Variants in KCNH5 observed in about 807,000 individuals in gnomAD.
KCNH5 encodes the protein voltage-gated delayed rectifier potassium channel KCNH5.
Under a neutral mutation model 96.1 loss-of-function variants are expected in KCNH5, and 46 were observed. The observed-to-expected ratio is 0.48, with a 90% CI of 0.38 to 0.61. KCNH5 has a LOEUF of 0.61. Among genes scored for constraint, KCNH5 ranks in the 20% least tolerant of loss-of-function variants. KCNH5 has a pLI of 0.00. For synonymous variants in KCNH5, 439 were observed against 449.8 expected, an observed-to-expected ratio of 0.98 and a Z score of 0.30; for missense variants, 907 against 1,225.8, an observed-to-expected ratio of 0.74 and a Z score of 3.88.
At chr14:62,773,946 C>G (rs1018912337) in intron 10 of KCNH5, among the ~76,000 whole-genome samples, 2 of 152,074 alleles carry the variant, frequency 1.3e-5, no homozygotes, top group East Asian at 3.8e-4. Context: ...ATTTGAGGAC[C>G]TTTGAGGATA....
intron 7 of KCNH5, among the ~76,000 whole-genome samples, chr14:62,908,502 A>T (rs1192711926): frequency 6.6e-6 from 1 of 152,222 alleles, no homozygotes; most frequent in Non-Finnish European, 1.5e-5. Context: ...TGAAACTTAG[A>T]GGAAGAATCC....
chr14:63,005,433 T>C (rs1054715228), intron 3 of KCNH5, among the ~76,000 whole-genome samples: 1 of 152,228 alleles, frequency 6.6e-6, no homozygotes, highest in Non-Finnish European at 1.5e-5. Context: ...CAACAGGCAC[T>C]GAACATGGAA....
At chr14:62,898,706 C>CA (rs1395799134) in intron 7 of KCNH5, among the ~76,000 whole-genome samples, 2 of 152,038 alleles carry the variant, frequency 1.3e-5, no homozygotes, top group Non-Finnish European at 2.9e-5. Flanking sequence ...TAATAGCAGA[C>CA]AAAATGTTCC....
chr14:62,842,536 T>C (rs1334851908), intron 8 of KCNH5, among the ~76,000 whole-genome samples: 1 of 152,260 alleles, frequency 6.6e-6, no homozygotes, highest in South Asian at 2.1e-4. Context: ...ATATATTTGT[T>C]GCATAATGCT....
At chr14:62,898,186 G>C (rs1031458143) in intron 7 of KCNH5, among the ~76,000 whole-genome samples, 1 of 152,102 alleles carries the variant, frequency 6.6e-6, no homozygotes, top group East Asian at 1.9e-4. Flanking sequence ...AGACATTTTA[G>C]AAAGTAAGAG....
intron 7 of KCNH5, among the ~76,000 whole-genome samples, chr14:62,867,154 C>T (rs1443115702): frequency 6.6e-6 from 1 of 152,182 alleles, no homozygotes; most frequent in Non-Finnish European, 1.5e-5. Context: ...CCACCTCTCA[C>T]TGGCAGAGCC....
intron 2 of KCNH5, among the ~76,000 whole-genome samples, chr14:63,011,346 C>T (rs984133864): frequency 7.9e-5 from 12 of 151,764 alleles, no homozygotes; most frequent in Non-Finnish European, 1.2e-4. Context: ...GGCATGGTGG[C>T]GGGTGCATGT....
intron 10 of KCNH5, among the ~76,000 whole-genome samples, chr14:62,743,821 T>A (rs1157644869): frequency 6.6e-6 from 1 of 151,934 alleles, no homozygotes; most frequent in Non-Finnish European, 1.5e-5. Flanking sequence ...ACTGTGGAAG[T>A]CCCAGAAATT....
chr14:62,736,201 C>T (rs1421802919), intron 10 of KCNH5, among the ~76,000 whole-genome samples: 1 of 152,162 alleles, frequency 6.6e-6, no homozygotes, highest in African/African-American at 2.4e-5. Context: ...TCTCCACCCC[C>T]ACCTCTGTAA....
chr14:62,847,011 A>G (rs1003421817), intron 8 of KCNH5, among the ~76,000 whole-genome samples: 97 of 149,490 alleles, frequency 6.5e-4, no homozygotes, highest in Non-Finnish European at 4.6e-4. Flanking sequence ...AGTGTTAGCC[A>G]GGATGGTCTC....
chr14:62,766,923 C>T (rs1885873664), intron 10 of KCNH5, among the ~76,000 whole-genome samples: 1 of 152,034 alleles, frequency 6.6e-6, no homozygotes, highest in Non-Finnish European at 1.5e-5. Context: ...ATGCCTATAT[C>T]AAAACATCTC....
intron 9 of KCNH5, among the ~76,000 whole-genome samples, chr14:62,799,347 C>A (rs561278257): frequency 9.9e-5 from 15 of 151,878 alleles, no homozygotes; most frequent in Middle Eastern, 6.8e-3. Context: ...GAGGCCGAGG[C>A]GGGTGGATCA....
At chr14:63,001,977 G>A (rs1263670415) in intron 3 of KCNH5, among the ~76,000 whole-genome samples, 1 of 152,178 alleles carries the variant, frequency 6.6e-6, no homozygotes, top group African/African-American at 2.4e-5. Flanking sequence ...TCTCTCATCA[G>A]TCAGATAGAC....
intron 1 of KCNH5, among the ~76,000 whole-genome samples, chr14:63,034,126 G>A (rs1891679471): frequency 6.6e-6 from 1 of 152,014 alleles, no homozygotes; most frequent in Non-Finnish European, 1.5e-5. Flanking sequence ...TACCATGTTG[G>A]TCAGGCTGGT....
At chr14:62,984,788 G>A (rs932657869) in intron 5 of KCNH5, among the ~76,000 whole-genome samples, 1 of 152,060 alleles carries the variant, frequency 6.6e-6, no homozygotes, top group East Asian at 1.9e-4. Flanking sequence ...GGATGAAATA[G>A]GAATACGTTT....
At position 62,900,778 on chromosome 14, in the gene KCNH5, T is replaced by C. The variant is rs1471156948; in HGVS notation, c.1369+49355A>G. Among the ~76,000 whole-genome samples, 4 of 151,394 alleles carry C rather than the reference T, an allele frequency of 2.6e-5. No homozygotes were observed. The East Asian group carries it at 5.8e-4, about 22-fold the overall frequency. ...TGAGGAGGGTCAACAAAACTAAAAG[T>C]TTTTGAAAAAAAATCCCATAAGATA... On this transcript the variant is annotated intron_variant, in intron 7 of 10. Coordinates refer to ENST00000322893, the MANE Select transcript of KCNH5 (RefSeq NM_139318.5).
chr14:63,022,132 A>T (rs1382492453), intron 1 of KCNH5, among the ~76,000 whole-genome samples: 1 of 152,114 alleles, frequency 6.6e-6, no homozygotes, highest in African/African-American at 2.4e-5. Flanking sequence ...TACTCCTTCA[A>T]ATTAGGTACT....
chr14:62,842,221 G>A lies in KCNH5; in HGVS notation c.1569+7432C>T, dbSNP rs560208659. The stretch of plus-strand genomic sequence containing the variant: ...TGAAAACTAATATATATGTTTGAGT[G>A]TTCGAAATTACTATTATAAAAAGTA... On this transcript the variant is annotated intron_variant, in intron 8 of 10. Coordinates refer to ENST00000322893, the MANE Select transcript of KCNH5 (RefSeq NM_139318.5). Among the ~76,000 whole-genome samples, 4 of 152,274 alleles carry A rather than the reference G, an allele frequency of 2.6e-5. No individual in the cohort carries two copies. The South Asian group carries it at 8.3e-4, about 32-fold the overall frequency.
At position 62,887,045 on chromosome 14, in the gene KCNH5, T is replaced by C. The variant is rs1231421751; in HGVS notation, c.1370-37193A>G. Among the ~76,000 whole-genome samples, 3 of 152,294 alleles carry C rather than the reference T, an allele frequency of 2.0e-5. No individual in the cohort carries two copies. In the Middle Eastern group the frequency reaches 0.01, roughly 518 times the overall value. Reference sequence around the variant, plus strand: ...ATCTTTGACAATGGCATAAAGAGCATGTAAAGGGAAAATACATAATTAGCC... The same window carrying C: ...ATCTTTGACAATGGCATAAAGAGCACGTAAAGGGAAAATACATAATTAGCC... On this transcript the variant is annotated intron_variant, in intron 7 of 10. Transcript: ENST00000322893.
Sources: allele counts gnomAD v4.1 joint callset (sites outside exome capture counted in the v4.1 genomes callset), GRCh38; gene constraint gnomAD v4.1.1; transcripts MANE v1.5; gene names NCBI Gene and HGNC (gene_info 2026-07-23, HGNC 2026-07-21).